Variants in FARS2 observed in about 807,000 individuals in gnomAD.
FARS2 encodes phenylalanine--tRNA ligase, mitochondrial.
FARS2 carries 40 observed loss-of-function variants against 46.4 expected under a neutral mutation model. The ratio of observed to expected loss-of-function variants is 0.86; its 90% CI spans 0.67 to 1.12. FARS2 has a LOEUF of 1.12. Ranked by LOEUF, FARS2 falls within the 50% of genes most tolerant of loss-of-function variation. FARS2 has a pLI of 0.00. For synonymous variants in FARS2, 234 were observed against 214.9 expected (o/e 1.09, Z -0.78); for missense variants, 513 against 567.9 (o/e 0.90, Z 0.98).
At chr6:5,565,412 T>C (rs1419534601) in intron 5 of FARS2, among the ~76,000 whole-genome samples, 1 of 152,188 alleles carries the variant, frequency 6.6e-6, no homozygotes, top group East Asian at 1.9e-4. Flanking sequence ...AAAACCTGCA[T>C]TTGAGAACAC....
intron 3 of FARS2, among the ~76,000 whole-genome samples, chr6:5,411,596 G>A (rs145734842): frequency 5.9e-4 from 90 of 152,008 alleles, no homozygotes; most frequent in African/African-American, 2.1e-3. Context: ...TATTATTATT[G>A]GATTCCTTTG....
chr6:5,765,008 G>A lies in FARS2; in HGVS notation c.1218-6283G>A, dbSNP rs1762677135. Reference sequence around the variant, plus strand: ...GATCGGGAAAAGAAAATAATCACTGGGGAGGGACCCCTTTTAAACATTTAT... The same window carrying A: ...GATCGGGAAAAGAAAATAATCACTGAGGAGGGACCCCTTTTAAACATTTAT... On this transcript the variant is annotated intron_variant, in intron 6 of 6. Coordinates refer to ENST00000274680, the MANE Select transcript of FARS2 (RefSeq NM_006567.5). The surrounding 1 kb of genome is among the most constrained non-coding windows in gnomAD (Gnocchi z 4.0). Among the ~76,000 whole-genome samples the A allele has an allele frequency of 6.6e-6, 1 of 152,200 alleles. No homozygotes were observed. The highest frequency in any genetic ancestry group is 6.5e-5 in the Admixed American group (1 of 15,276).
intron 1 of FARS2, among the ~76,000 whole-genome samples, chr6:5,296,727 A>G (rs892669709): frequency 5.9e-5 from 9 of 152,296 alleles, no homozygotes; most frequent in African/African-American, 1.9e-4. Flanking sequence ...TTCATGGTTC[A>G]TCCATGTCGT....
intron 1 of FARS2, chr6:5,272,512 A>C (rs1455645620): frequency 1.3e-5 from 2 of 152,108 alleles, no homozygotes; most frequent in African/African-American, 2.4e-5. Flanking sequence ...CTTGTCTCAG[A>C]TTCTTTTATT....
At chr6:5,712,408 C>A (rs181905465) in intron 6 of FARS2, among the ~76,000 whole-genome samples, 3 of 152,190 alleles carry the variant, frequency 2.0e-5, no homozygotes, top group Non-Finnish European at 2.9e-5. Flanking sequence ...CAGTCTCTTG[C>A]GAGTGGCAAG....
At chr6:5,457,425 T>C (rs1278839192) in intron 4 of FARS2, among the ~76,000 whole-genome samples, 1 of 152,234 alleles carries the variant, frequency 6.6e-6, no homozygotes, top group Non-Finnish European at 1.5e-5. Context: ...GCCGACGTTT[T>C]TGATCTTGTT....
chr6:5,632,162 G>A lies in FARS2; in HGVS notation c.1217+18842G>A, dbSNP rs115870158. On this transcript the variant is annotated intron_variant, in intron 6 of 6. Coordinates refer to ENST00000274680, the MANE Select transcript of FARS2 (RefSeq NM_006567.5). ...GAAACTGTATCTGTTAAAATGTCCC[G>A]TAGGTGTATTCTGTGGAAAAATAGA... 6.5e-3 allele frequency among the ~76,000 whole-genome samples: 996 copies of A among 152,250 alleles called. 15 individuals are homozygous for A. Among genetic ancestry groups the A allele is most frequent in the African/African-American group, 0.022 (933 of 41,546 alleles).
chr6:5,608,380 G>T (rs1383791674), intron 5 of FARS2, among the ~76,000 whole-genome samples: 1 of 152,150 alleles, frequency 6.6e-6, no homozygotes, highest in Non-Finnish European at 1.5e-5. Flanking sequence ...ACTGCTGATG[G>T]TGGGTACCTA....
intron 1 of FARS2, among the ~76,000 whole-genome samples, chr6:5,324,443 CT>C (rs745311767): frequency 0.025 from 2,179 of 88,260 alleles, 21 homozygotes; most frequent in African/African-American, 0.037. Flanking sequence ...AGACTATTTG[CT>C]TTTTTTTTTT....
chr6:5,599,002 C>T (rs60267954), intron 5 of FARS2, among the ~76,000 whole-genome samples: 5,186 of 152,278 alleles, frequency 0.034, 286 homozygotes, highest in African/African-American at 0.12. Flanking sequence ...CAAGTGACTT[C>T]GCTAGCTGGG....
At chr6:5,328,870 G>A (rs905373402) in intron 1 of FARS2, among the ~76,000 whole-genome samples, 26 of 152,058 alleles carry the variant, frequency 1.7e-4, no homozygotes, top group East Asian at 1.9e-4. Flanking sequence ...GAGTTATTTC[G>A]TATTGCAGTT....
chr6:5,262,650 C>G (rs1296606431), intron 1 of FARS2, among the ~76,000 whole-genome samples: 1 of 152,186 alleles, frequency 6.6e-6, no homozygotes, highest in Non-Finnish European at 1.5e-5. Flanking sequence ...TACTTGCAAC[C>G]TGGTGTCCTT....
At chr6:5,732,362 A>T (rs1013427992) in intron 6 of FARS2, among the ~76,000 whole-genome samples, 1 of 151,984 alleles carries the variant, frequency 6.6e-6, no homozygotes, top group African/African-American at 2.4e-5. Flanking sequence ...GGCAGTAAGG[A>T]TTAGACAGGT....
intron 4 of FARS2, among the ~76,000 whole-genome samples, chr6:5,472,068 T>C (rs983381853): frequency 2.0e-5 from 3 of 152,190 alleles, no homozygotes; most frequent in African/African-American, 7.2e-5. Context: ...AAAACAAGGC[T>C]GTGTTATAAA....
chr6:5,754,150 A>G (rs936333237), intron 6 of FARS2, among the ~76,000 whole-genome samples: 2 of 152,232 alleles, frequency 1.3e-5, no homozygotes, highest in African/African-American at 4.8e-5. Flanking sequence ...TCATACACAT[A>G]TATCTATCTG....
intron 6 of FARS2, among the ~76,000 whole-genome samples, chr6:5,726,980 C>T (rs1760307326): frequency 6.6e-6 from 1 of 152,242 alleles, no homozygotes; most frequent in Non-Finnish European, 1.5e-5. Context: ...AAGCACAGTT[C>T]AAATACCTTC....
At chr6:5,483,692 T>TA (rs951319367) in intron 4 of FARS2, among the ~76,000 whole-genome samples, 4 of 150,382 alleles carry the variant, frequency 2.7e-5, no homozygotes, top group African/African-American at 7.4e-5. Context: ...AAATAAATAA[T>TA]AAAAATGAAT....
At chr6:5,617,336 T>A (rs1364016494) in intron 6 of FARS2, among the ~76,000 whole-genome samples, 1 of 152,216 alleles carries the variant, frequency 6.6e-6, no homozygotes, top group Non-Finnish European at 1.5e-5. Flanking sequence ...GTACAGATAT[T>A]TATAGACTAT....
intron 3 of FARS2, among the ~76,000 whole-genome samples, chr6:5,414,871 A>G (rs1345971975): frequency 7.5e-6 from 1 of 133,862 alleles, no homozygotes; most frequent in East Asian, 2.4e-4. Context: ...GCTTGAGTGC[A>G]GCATCGCGAT....
Sources: allele counts gnomAD v4.1 joint callset (sites outside exome capture counted in the v4.1 genomes callset), GRCh38; gene constraint gnomAD v4.1.1; non-coding constraint Gnocchi (gnomAD v3.1); transcripts MANE v1.5; gene names NCBI Gene and HGNC (gene_info 2026-07-23, HGNC 2026-07-21).